Variants in BID observed in about 807,000 individuals in gnomAD.
BID encodes BH3-interacting domain death agonist.
BID carries 19 observed loss-of-function variants against 17.4 expected under a neutral mutation model. The observed-to-expected ratio is 1.09, with a 90% CI of 0.76 to 1.60. BID has a LOEUF of 1.60. Among genes scored for constraint, BID ranks in the 40% most tolerant of loss-of-function variants. BID has a pLI of 0.00. For missense variants in BID, 226 were observed against 256.0 expected (o/e 0.88, Z 0.80); for synonymous variants, 108 against 102.8 (o/e 1.05, Z -0.31).
intron 1 of BID, among the ~76,000 whole-genome samples, chr22:17,764,449 T>C (rs2061664106): frequency 1.3e-5 from 2 of 152,154 alleles, no homozygotes; most frequent in South Asian, 4.1e-4. Context: ...GTAGAAATAG[T>C]GTCCAAACTT....
chr22:17,761,845 A>G (rs896878788), intron 1 of BID, among the ~76,000 whole-genome samples: 2 of 152,142 alleles, frequency 1.3e-5, no homozygotes, highest in African/African-American at 2.4e-5. Flanking sequence ...TGCTTTTCAG[A>G]CTCAGGTACC....
At chr22:17,744,501 T>C (rs2061482887) in intron 2 of BID, among the ~76,000 whole-genome samples, 1 of 152,222 alleles carries the variant, frequency 6.6e-6, no homozygotes, top group South Asian at 2.1e-4. Flanking sequence ...CAGGAGGGTA[T>C]TGGGCAGATG....
At chr22:17,755,303 AGCATGCTCCGT>A (rs2061574092) in intron 1 of BID, among the ~76,000 whole-genome samples, 1 of 152,016 alleles carries the variant, frequency 6.6e-6, no homozygotes, top group South Asian at 2.1e-4. Context: ...CAAACTTCAC[AGCATGCTCCGT>A]GCAGTGCCAA....
At chr22:17,753,124 G>A (rs1473921170) in intron 1 of BID, among the ~76,000 whole-genome samples, 5 of 149,516 alleles carry the variant, frequency 3.3e-5, no homozygotes, top group African/African-American at 1.2e-4. Flanking sequence ...CCACCACCAC[G>A]CCTGGCTAAT....
chr22:17,772,186 C>T (rs8190282), intron 1 of BID, among the ~76,000 whole-genome samples: 1,908 of 152,328 alleles, frequency 0.013, 37 homozygotes, highest in African/African-American at 0.043. Flanking sequence ...AGGTGCTTGT[C>T]TCTGTCCTGT....
chr22:17,741,123 T>G (rs2061456137), intron 3 of BID: 1 of 152,230 alleles, frequency 6.6e-6, no homozygotes, highest in Admixed American at 6.5e-5. Flanking sequence ...CCCTCTGCCA[T>G]TGCCGCCACC....
chr22:17,761,738 T>C (rs1462298561), intron 1 of BID, among the ~76,000 whole-genome samples: 1 of 152,156 alleles, frequency 6.6e-6, no homozygotes, highest in Admixed American at 6.5e-5. Context: ...CCGGCCATAA[T>C]CTTTCACTTT....
rs1569040416 is a variant in BID at position 17,743,922 on chromosome 22, CT to C, written c.103del (p.Arg35GlufsTer38). 1 of 1,613,872 alleles carries C rather than the reference CT, an allele frequency of 6.2e-7. No homozygotes were observed. The highest frequency in any genetic ancestry group is 1.1e-5 in the South Asian group (1 of 91,084). On this transcript the variant is annotated frameshift_variant, in exon 3 of 6. Coordinates refer to ENST00000622694, the MANE Select transcript of BID (RefSeq NM_001196.4). LOFTEE classifies it high-confidence loss of function. ...CTCGTGGCCCAGTGCGTCCAGCTCT[CT>C]GCGGAAGCTGTTGTCAGAACAGCTT... The part of the protein sequence containing the change: ...LQSCSDNSFR[R>X]ELDALGHELP...
chr22:17,751,001 A>C (rs1261976454), intron 1 of BID, among the ~76,000 whole-genome samples: 1 of 151,582 alleles, frequency 6.6e-6, no homozygotes, highest in East Asian at 1.9e-4. Flanking sequence ...GCACCACTGC[A>C]CTCCAGCCTG....
chr22:17,743,989 C>T lies in BID; in HGVS notation c.37G>A (p.Asp13Asn), dbSNP rs535265881. 1 of 1,614,012 alleles carries T rather than the reference C, an allele frequency of 6.2e-7. No homozygotes were observed. The highest frequency in any genetic ancestry group is 1.3e-5 in the African/African-American group (1 of 75,042). Reference protein sequence around the residue: ...CEVNNGSSLRDECITNLLVFG... With the variant: ...CEVNNGSSLRNECITNLLVFG... ...ACCAGTAGGTTTGTGATGCACTCAT[C>T]CCTGAGGCTGGAACCGTTGTTGACC... The change falls in exon 3 of 6, where the codon GAT (aspartate) becomes AAT (asparagine). Residue 13 changes from aspartate (D) to asparagine (N), a missense_variant. Coordinates refer to ENST00000622694, the MANE Select transcript of BID (RefSeq NM_001196.4).
intron 1 of BID, among the ~76,000 whole-genome samples, chr22:17,771,319 T>A (rs2061718496): frequency 6.6e-6 from 1 of 152,208 alleles, no homozygotes. Flanking sequence ...CAGGACGGTC[T>A]TGATCTCCTG....
rs1555902183 is a variant in BID at position 17,735,270 on chromosome 22, T to TAAG, written c.*307_*309dup. On this transcript the variant is annotated 3_prime_UTR_variant, in exon 6 of 6. Coordinates refer to ENST00000622694, the MANE Select transcript of BID (RefSeq NM_001196.4). ...GAAACCTGCTTTCCAATTTAATTTTTAAGTGGGAACCTGCACAGTGGAAAT... is the reference window on the plus strand; with the variant it reads ...GAAACCTGCTTTCCAATTTAATTTTTAAGAAGTGGGAACCTGCACAGTGGAAAT... The TAAG allele has an allele frequency of 1.0e-5, 3 of 298,334 alleles. No homozygotes were observed. The highest frequency in any genetic ancestry group is 6.0e-5 in the East Asian group (1 of 16,556). The allele number at this position is 298,334 out of a possible 1,614,324, so 18.5% of individuals were successfully genotyped here. A position where few individuals can be genotyped will look rare whatever the true frequency, so the allele number is the denominator to read the frequency against.
intron 1 of BID, 106 bp from the exon 2 acceptor site, chr22:17,750,280 C>T (rs557820160): frequency 4.1e-6 from 4 of 979,350 alleles, no homozygotes; most frequent in East Asian, 2.6e-5. Context: ...GCGGCTGAGC[C>T]GAGGTCCTGG....
At chr22:17,742,375 G>A (rs929408985) in intron 3 of BID, among the ~76,000 whole-genome samples, 2 of 152,206 alleles carry the variant, frequency 1.3e-5, no homozygotes, top group Non-Finnish European at 2.9e-5. Context: ...TGCCCTTCCT[G>A]GACCTTCCCA....
chr22:17,755,751 G>T (rs935405244), intron 1 of BID, among the ~76,000 whole-genome samples: 16 of 147,010 alleles, frequency 1.1e-4, no homozygotes, highest in African/African-American at 4.0e-4. Flanking sequence ...AGTCAGCAGA[G>T]ATCGCACTAC....
At chr22:17,740,009 C>T (rs2061447587) in intron 3 of BID, 3 of 1,492,578 alleles carry the variant, frequency 2.0e-6, no homozygotes, top group Admixed American at 3.8e-5. Context: ...GCCTTTCCAA[C>T]CAGAGCTCTC....
chr22:17,767,238 A>G (rs2061685617), intron 1 of BID, among the ~76,000 whole-genome samples: 1 of 148,398 alleles, frequency 6.7e-6, no homozygotes, highest in Admixed American at 6.7e-5. Flanking sequence ...AAAAAAAATT[A>G]TAATAAATAA....
intron 4 of BID, among the ~76,000 whole-genome samples, chr22:17,738,611 A>C (rs1477025598): frequency 6.6e-6 from 1 of 152,004 alleles, no homozygotes; most frequent in Non-Finnish European, 1.5e-5. Flanking sequence ...TTCCTGGGGG[A>C]CACTAGACAG....
intron 2 of BID, among the ~76,000 whole-genome samples, chr22:17,747,732 A>C (rs568749339): frequency 2.1e-4 from 32 of 152,374 alleles, no homozygotes; most frequent in African/African-American, 5.8e-4. Flanking sequence ...GACATGTTAC[A>C]AAAATGATCT....
Sources: allele counts gnomAD v4.1 joint callset (sites outside exome capture counted in the v4.1 genomes callset), GRCh38; gene constraint gnomAD v4.1.1; transcripts MANE v1.5; gene names NCBI Gene and HGNC (gene_info 2026-07-23, HGNC 2026-07-21).